Variants in ZFHX3 observed in about 807,000 individuals in gnomAD.
ZFHX3 encodes zinc finger homeobox protein 3.
Under a neutral mutation model 279.1 loss-of-function variants are expected in ZFHX3, and 42 were observed. That is an observed-to-expected ratio of 0.15 (90% CI 0.12 to 0.19). ZFHX3 has a LOEUF of 0.19. Ranked by LOEUF, ZFHX3 falls within the 10% of genes least tolerant of loss-of-function variation. ZFHX3 has a pLI of 1.00. For missense variants in ZFHX3, 4,981 were observed against 4,754.0 expected (o/e 1.05, Z -1.40); for synonymous variants, 2,293 against 1,957.8 (o/e 1.17, Z -4.52).
chr16:72,811,817 G>C (rs1395642698), intron 6 of ZFHX3, 40 bp from the exon 7 acceptor site: 1 of 1,583,380 alleles, frequency 6.3e-7, no homozygotes, highest in Non-Finnish European at 8.7e-7. Flanking sequence ...AACTGTGTGT[G>C]CCCCAAGCCC....
chr16:72,938,889 C>A (rs1960265499), intron 3 of ZFHX3, among the ~76,000 whole-genome samples: 1 of 152,150 alleles, frequency 6.6e-6, no homozygotes, highest in Non-Finnish European at 1.5e-5. Flanking sequence ...ATGGTCAGAG[C>A]CTAATCTGAG....
At chr16:73,013,822 G>T (rs886323113) in intron 1 of ZFHX3, among the ~76,000 whole-genome samples, 1 of 152,066 alleles carries the variant, frequency 6.6e-6, no homozygotes, top group Non-Finnish European at 1.5e-5. Flanking sequence ...CTAGAGGCAC[G>T]TGGGGGTCTC....
At chr16:73,269,750 TC>T (rs1248681134) in intron 4 of ZFHX3, among the ~76,000 whole-genome samples, 1 of 151,836 alleles carries the variant, frequency 6.6e-6, no homozygotes, top group African/African-American at 2.4e-5. Flanking sequence ...TTTTTGCTTT[TC>T]TTTATTTTTT....
rs541368120 is a variant in ZFHX3 at position 73,365,587 on chromosome 16, T to A, written c.-1290-47251A>T. ...ATGGTGCAGCTGAGACTTGGCTTGA[T>A]GTCAGCCCAATTCTAAACACTGTGA... On this transcript the variant is annotated intron_variant, in intron 3 of 17. Coordinates refer to the ZFHX3 transcript ENST00000641206. 2.0e-5 allele frequency among the ~76,000 whole-genome samples: 3 copies of A among 152,328 alleles called. No individual in the cohort carries two copies. In the South Asian group the frequency reaches 6.2e-4, roughly 32 times the overall value.
At chr16:72,978,556 G>T (rs907135134) in intron 1 of ZFHX3, among the ~76,000 whole-genome samples, 21 of 152,170 alleles carry the variant, frequency 1.4e-4, no homozygotes, top group African/African-American at 4.8e-4. Flanking sequence ...ACTGCCCAGA[G>T]GATTGGAAGT....
intron 5 of ZFHX3, among the ~76,000 whole-genome samples, chr16:73,167,546 G>C (rs943913250): frequency 9.9e-5 from 15 of 151,720 alleles, no homozygotes; most frequent in Non-Finnish European, 1.8e-4. Context: ...CTGTGAAATA[G>C]AAAAAAAATA....
In ZFHX3 at chr16:72,783,390, T is replaced by C. The variant is rs1476203365; in HGVS notation, c.*3774A>G. The C allele has an allele frequency of 1.3e-5, 2 of 152,504 alleles. No individual in the cohort carries two copies. Among genetic ancestry groups the C allele is most frequent in the African/African-American group, 4.8e-5 (2 of 41,394 alleles). The allele number at this position is 152,504 out of a possible 1,614,324, so 9.4% of individuals were successfully genotyped here. A position where few individuals can be genotyped will look rare whatever the true frequency, so the allele number is the denominator to read the frequency against. Reference sequence around the variant, plus strand: ...CAAACAACTCAATTTATGCTTCTATTTAAAATGTTTTAATTTATTATTTAA... The same window carrying C: ...CAAACAACTCAATTTATGCTTCTATCTAAAATGTTTTAATTTATTATTTAA... On this transcript the variant is annotated 3_prime_UTR_variant, in exon 10 of 10. Transcript: ENST00000268489.
At chr16:73,434,782 A>C (rs2017968662) in intron 3 of ZFHX3, among the ~76,000 whole-genome samples, 1 of 152,102 alleles carries the variant, frequency 6.6e-6, no homozygotes, top group Non-Finnish European at 1.5e-5. Flanking sequence ...AAGGTCAGTG[A>C]CTTCAACAGT....
At chr16:73,257,655 A>T (rs2013697044) in intron 4 of ZFHX3, among the ~76,000 whole-genome samples, 1 of 152,182 alleles carries the variant, frequency 6.6e-6, no homozygotes, top group South Asian at 2.1e-4. Flanking sequence ...ATTTATGAAA[A>T]CTTTTCGTGA....
chr16:73,071,288 A>C (rs887059239), intron 8 of ZFHX3, among the ~76,000 whole-genome samples: 11 of 151,636 alleles, frequency 7.3e-5, no homozygotes, highest in East Asian at 3.9e-4. Flanking sequence ...TTCTTTCTTT[A>C]TTTATGTACA....
At position 72,796,371 on chromosome 16, in the gene ZFHX3, G is replaced by A. The variant is rs144816752; in HGVS notation, c.6311C>T (p.Thr2104Met). The A allele has an allele frequency of 2.8e-5, 45 of 1,613,646 alleles. No homozygotes were observed. The highest frequency in any genetic ancestry group is 3.3e-5 in the Non-Finnish European group (39 of 1,180,006). ...AGCCGGCAAGGTCTGCAGCGGCATC[G>A]TCTGCATCATCAGCGGCGAGAAGAT... The part of the protein sequence containing the change: ...LPIFSPLMMQ[T>M]MPLQTLPAQL... Residue 2104 changes from threonine to methionine, a missense_variant, in exon 9 of 10, where the codon ACG becomes ATG. By Grantham distance (81) the Thr-to-Met change is moderately conservative (BLOSUM62 -1). Transcript: ENST00000268489.
intron 3 of ZFHX3, among the ~76,000 whole-genome samples, chr16:72,949,497 G>A (rs773371005): frequency 1.3e-5 from 2 of 152,262 alleles, no homozygotes; most frequent in Middle Eastern, 3.4e-3. Context: ...CAATAGAGAC[G>A]TCTGGAGCAA....
intron 3 of ZFHX3, among the ~76,000 whole-genome samples, chr16:73,414,900 A>C (rs1017361188): frequency 6.6e-6 from 1 of 152,220 alleles, no homozygotes; most frequent in Non-Finnish European, 1.5e-5. Flanking sequence ...TAGCCAGCAG[A>C]GGTGAGAACA....
intron 1 of ZFHX3, among the ~76,000 whole-genome samples, chr16:73,821,428 G>A (rs1414971689): frequency 6.6e-6 from 1 of 152,206 alleles, no homozygotes; most frequent in Non-Finnish European, 1.5e-5. Context: ...AACCTTCTCA[G>A]CATCTCTGCA....
intron 1 of ZFHX3, among the ~76,000 whole-genome samples, chr16:72,972,573 C>A (rs1360825777): frequency 2.0e-5 from 3 of 152,214 alleles, no homozygotes; most frequent in African/African-American, 7.2e-5. Context: ...TGTCAAGCCC[C>A]AGCCCAGAGC....
chr16:73,513,352 C>G (rs9934621), intron 2 of ZFHX3, among the ~76,000 whole-genome samples: 3,108 of 152,236 alleles, frequency 0.02, 103 homozygotes, highest in African/African-American at 0.071. Flanking sequence ...TATTCAGGAT[C>G]AGGCCTGAGA....
chr16:73,637,363 T>C (rs1003775688), intron 2 of ZFHX3, among the ~76,000 whole-genome samples: 2 of 151,678 alleles, frequency 1.3e-5, no homozygotes, highest in East Asian at 1.9e-4. Context: ...TCCTGAGTAG[T>C]TGGGATTATA....
At chr16:73,760,317 G>A (rs1378438706) in intron 1 of ZFHX3, among the ~76,000 whole-genome samples, 16 of 152,140 alleles carry the variant, frequency 1.1e-4, no homozygotes, top group Admixed American at 1.0e-3. Context: ...ATCAAAAAAT[G>A]CCGAGGACCA....
intron 1 of ZFHX3, among the ~76,000 whole-genome samples, chr16:73,720,125 T>C (rs2053459710): frequency 6.6e-6 from 1 of 152,334 alleles, no homozygotes; most frequent in South Asian, 2.1e-4. Context: ...GGCAAAATTA[T>C]AGCAATTTCT....
Sources: allele counts gnomAD v4.1 joint callset (sites outside exome capture counted in the v4.1 genomes callset), GRCh38; gene constraint gnomAD v4.1.1; transcripts MANE v1.5; gene names NCBI Gene and HGNC (gene_info 2026-07-23, HGNC 2026-07-21).